ERG: variants seen among roughly 807,000 people sequenced by gnomAD.
ERG encodes transcriptional regulator ERG.
Under a neutral mutation model 55.3 loss-of-function variants are expected in ERG, and 9 were observed. The ratio of observed to expected loss-of-function variants is 0.16; its 90% CI spans 0.10 to 0.28. The LOEUF is 0.28. ERG is among the 10% of genes least tolerant of loss of function. The pLI, the probability that ERG is intolerant of heterozygous loss-of-function variation, is 1.00. For missense variants in ERG, 434 were observed against 631.6 expected (o/e 0.69, Z 3.35); for synonymous variants, 223 against 237.3 (o/e 0.94, Z 0.55).
At chr21:38,488,050 T>C (rs1292703388) in intron 1 of ERG, among the ~76,000 whole-genome samples, 1 of 152,190 alleles carries the variant, frequency 6.6e-6, no homozygotes, top group Non-Finnish European at 1.5e-5. Flanking sequence ...CTGGCAGTCA[T>C]CGGCACTTAT....
intron 2 of ERG, among the ~76,000 whole-genome samples, chr21:38,544,609 C>T (rs1012193254): frequency 7.2e-5 from 11 of 152,142 alleles, no homozygotes; most frequent in African/African-American, 2.4e-4. Context: ...TTTACATTTC[C>T]TTTCCCAGGA....
At chr21:38,469,100 C>CTT (rs2059118087) in intron 1 of ERG, among the ~76,000 whole-genome samples, 1 of 151,112 alleles carries the variant, frequency 6.6e-6, no homozygotes, top group Non-Finnish European at 1.5e-5. Flanking sequence ...CTTGACATGC[C>CTT]ACTGGGGGTC....
chr21:38,496,533 A>C (rs532333442), intron 1 of ERG, among the ~76,000 whole-genome samples: 2 of 152,356 alleles, frequency 1.3e-5, no homozygotes, highest in East Asian at 3.9e-4. Flanking sequence ...ACCTATAAAG[A>C]GGGCCTATTT....
intron 1 of ERG, among the ~76,000 whole-genome samples, chr21:38,576,706 C>A (rs1048582704): frequency 1.8e-4 from 28 of 152,158 alleles, no homozygotes; most frequent in African/African-American, 5.5e-4. Flanking sequence ...GGGTGCCTTG[C>A]CTCCTGGCCA....
intron 1 of ERG, among the ~76,000 whole-genome samples, chr21:38,616,499 G>A (rs2060259967): frequency 6.6e-6 from 1 of 152,102 alleles, no homozygotes; most frequent in Non-Finnish European, 1.5e-5. Flanking sequence ...GGACATTAGA[G>A]CATGGACTGT....
At chr21:38,610,356 CTGCCA>C (rs2060218772) in intron 1 of ERG, among the ~76,000 whole-genome samples, 1 of 152,256 alleles carries the variant, frequency 6.6e-6, no homozygotes, top group Non-Finnish European at 1.5e-5. Flanking sequence ...TGTTAGTTCA[CTGCCA>C]TGCGGGCTTC....
At chr21:38,413,063 T>A (rs1888892079) in intron 3 of ERG, among the ~76,000 whole-genome samples, 1 of 152,222 alleles carries the variant, frequency 6.6e-6, no homozygotes, top group African/African-American at 2.4e-5. Flanking sequence ...GTTCCAATTC[T>A]CTGCTTTGTG....
At chr21:38,464,375 G>C (rs2059070011) in intron 1 of ERG, among the ~76,000 whole-genome samples, 1 of 152,156 alleles carries the variant, frequency 6.6e-6, no homozygotes, top group Admixed American at 6.5e-5. Context: ...GAGAGTAACA[G>C]CAGTGCTTCA....
intron 1 of ERG, among the ~76,000 whole-genome samples, chr21:38,454,392 T>C (rs997119242): frequency 6.6e-6 from 1 of 152,232 alleles, no homozygotes; most frequent in Admixed American, 6.5e-5. Context: ...AAGTGTGAGC[T>C]GAGAGCTTGC....
At chr21:38,619,198 T>G (rs2060275875) in intron 1 of ERG, among the ~76,000 whole-genome samples, 1 of 152,228 alleles carries the variant, frequency 6.6e-6, no homozygotes, top group Non-Finnish European at 1.5e-5. Flanking sequence ...CTGAATGTAC[T>G]TCAGAGCTTC....
At chr21:38,508,267 GTCT>G (rs2059484953) in intron 2 of ERG, among the ~76,000 whole-genome samples, 1 of 151,816 alleles carries the variant, frequency 6.6e-6, no homozygotes, top group African/African-American at 2.4e-5. Context: ...TTTTTAAGCT[GTCT>G]TCTTAGATTG....
intron 1 of ERG, among the ~76,000 whole-genome samples, chr21:38,476,080 G>A (rs1282247500): frequency 6.6e-6 from 1 of 152,150 alleles, no homozygotes; most frequent in African/African-American, 2.4e-5. Context: ...TTAAAGAGAA[G>A]CCTGACGTTT....
intron 1 of ERG, among the ~76,000 whole-genome samples, chr21:38,578,790 C>T (rs1190609886): frequency 1.3e-5 from 2 of 152,134 alleles, no homozygotes; most frequent in Non-Finnish European, 2.9e-5. Flanking sequence ...TGAATAAGTG[C>T]TTACTGCTTG....
chr21:38,474,660 C>T (rs1321712651), intron 1 of ERG, among the ~76,000 whole-genome samples: 1 of 152,154 alleles, frequency 6.6e-6, no homozygotes, highest in Non-Finnish European at 1.5e-5. Flanking sequence ...CATGAGACTC[C>T]TACCTGTATG....
chr21:38,425,140 T>C lies in ERG; in HGVS notation c.237-1579A>G, dbSNP rs1292654696. Among the ~76,000 whole-genome samples, 4 of 152,242 alleles carry C rather than the reference T, an allele frequency of 2.6e-5. No individual in the cohort carries two copies. The East Asian group carries it at 5.8e-4, about 22-fold the overall frequency. On this transcript the variant is annotated intron_variant, in intron 2 of 9. Transcript: ENST00000288319. ...GGCTCACACCTGTAATCCCAGCATT[T>C]TGGGAGGCCGAGGTGGGCAGATCAC...
intron 1 of ERG, among the ~76,000 whole-genome samples, chr21:38,648,320 T>C (rs1417689559): frequency 1.3e-5 from 2 of 152,220 alleles, no homozygotes; most frequent in African/African-American, 4.8e-5. Context: ...GCCGCGATGC[T>C]ACCGCATGTT....
chr21:38,415,940 C>A (rs1478225283), intron 3 of ERG, among the ~76,000 whole-genome samples: 1 of 152,174 alleles, frequency 6.6e-6, no homozygotes, highest in African/African-American at 2.4e-5. Flanking sequence ...AACTTACAAT[C>A]TAATAGAACA....
chr21:38,435,600 G>A (rs1006623176), intron 2 of ERG, among the ~76,000 whole-genome samples: 1 of 152,152 alleles, frequency 6.6e-6, no homozygotes, highest in Non-Finnish European at 1.5e-5. Context: ...AGCAGTTGAA[G>A]ACAAAATTAA....
At chr21:38,517,682 C>G (rs1486888821) in intron 2 of ERG, among the ~76,000 whole-genome samples, 1 of 152,012 alleles carries the variant, frequency 6.6e-6, no homozygotes, top group African/African-American at 2.4e-5. Context: ...CACTATTTAC[C>G]ATAGCAAAGA....
Sources: allele counts gnomAD v4.1 joint callset (sites outside exome capture counted in the v4.1 genomes callset), GRCh38; gene constraint gnomAD v4.1.1; transcripts MANE v1.5; gene names NCBI Gene and HGNC (gene_info 2026-07-23, HGNC 2026-07-21).